CDK13: variants seen among roughly 807,000 people sequenced by gnomAD.
The protein encoded by CDK13 is cyclin-dependent kinase 13.
Under a neutral mutation model 137.6 loss-of-function variants are expected in CDK13, and 40 were observed. The ratio of observed to expected loss-of-function variants is 0.29; its 90% CI spans 0.23 to 0.38. The LOEUF (loss-of-function observed/expected upper bound fraction) is 0.38, where lower values mean the gene tolerates loss of function less well. Among genes scored for constraint, CDK13 ranks in the 10% least tolerant of loss-of-function variants. The pLI is 1.00. For missense variants in CDK13, 1,704 were observed against 1,951.8 expected (o/e 0.87, Z 2.39); for synonymous variants, 869 against 760.1 (o/e 1.14, Z -2.36).
chr7:39,984,500 A>G (rs1201653493), intron 1 of CDK13: 1 of 151,998 alleles, frequency 6.6e-6, no homozygotes, highest in Non-Finnish European at 1.5e-5. Context: ...TTGTGGGTGC[A>G]TAGTAGATGT....
intron 5 of CDK13, among the ~76,000 whole-genome samples, chr7:40,012,785 G>A (rs1379611430): frequency 6.6e-6 from 1 of 151,862 alleles, no homozygotes; most frequent in African/African-American, 2.4e-5. Context: ...AGTGGTGGGC[G>A]CCTGTAATCC....
At chr7:40,080,702 C>T (rs889212913) in intron 11 of CDK13, among the ~76,000 whole-genome samples, 7 of 152,132 alleles carry the variant, frequency 4.6e-5, no homozygotes, top group Non-Finnish European at 1.0e-4. Context: ...GGAAAAATTT[C>T]AACTCTATAG....
intron 1 of CDK13, among the ~76,000 whole-genome samples, chr7:39,955,854 G>C (rs900446177): frequency 6.6e-6 from 1 of 151,884 alleles, no homozygotes; most frequent in Non-Finnish European, 1.5e-5. Context: ...ATTAAAATCC[G>C]TGCAAGAAAT....
chr7:39,986,669 CTCAT>C (rs1184303388), intron 1 of CDK13: 1 of 152,066 alleles, frequency 6.6e-6, no homozygotes, highest in Non-Finnish European at 1.5e-5. Context: ...CTTTTTTACT[CTCAT>C]TCATTTTGAA....
chr7:40,056,330 T>G (rs1015639447), intron 7 of CDK13, among the ~76,000 whole-genome samples: 4 of 152,208 alleles, frequency 2.6e-5, no homozygotes, highest in Admixed American at 6.5e-5. Context: ...TTTTAAAAGC[T>G]TTTTAAAAAA....
intron 2 of CDK13, among the ~76,000 whole-genome samples, chr7:39,988,462 A>C (rs1784388487): frequency 6.6e-6 from 1 of 152,114 alleles, no homozygotes; most frequent in African/African-American, 2.4e-5. Context: ...TAAGACATTC[A>C]GGGAAAAATT....
chr7:40,012,219 A>G (rs1022695541), intron 5 of CDK13, among the ~76,000 whole-genome samples: 2 of 152,178 alleles, frequency 1.3e-5, no homozygotes, highest in African/African-American at 4.8e-5. Flanking sequence ...AGAGAGTACA[A>G]TGGTGCAGTT....
intron 11 of CDK13, among the ~76,000 whole-genome samples, chr7:40,086,214 G>A (rs949001723): frequency 6.6e-6 from 1 of 152,188 alleles, no homozygotes; most frequent in African/African-American, 2.4e-5. Flanking sequence ...AAGAGGAGAT[G>A]TAAAAGAACT....
rs546472119 is a variant in CDK13 at position 39,952,024 on chromosome 7, T to C, written c.1211+172T>C. The stretch of plus-strand genomic sequence containing the variant: ...GCGTTTTCGCGCGCGTGACACTTTT[T>C]TAGGGGGTCGAAGGGACAAAGCAAC... On this transcript the variant is annotated intron_variant, in intron 1 of 13. Transcript: ENST00000181839. 5.9e-5 allele frequency: 33 copies of C among 561,414 alleles called. No individual in the cohort carries two copies. The Admixed American group carries it at 1.0e-3, about 17-fold the overall frequency. 34.8% of individuals were successfully genotyped at this position (561,414 alleles called of 1,614,324 possible). A position where few individuals can be genotyped will look rare whatever the true frequency, so the allele number is the denominator to read the frequency against.
intron 2 of CDK13, among the ~76,000 whole-genome samples, chr7:39,989,077 G>A (rs577294871): frequency 1.1e-5 from 1 of 91,892 alleles, no homozygotes; most frequent in African/African-American, 4.5e-5. Flanking sequence ...CAGTAAGACC[G>A]TGTCTCACCA....
chr7:39,975,151 C>T (rs914989994), intron 1 of CDK13, among the ~76,000 whole-genome samples: 3 of 152,078 alleles, frequency 2.0e-5, no homozygotes, highest in African/African-American at 7.2e-5. Flanking sequence ...TGGTGGCTCA[C>T]ACCTGTTATC....
At chr7:40,058,867 C>A (rs1435582608) in intron 7 of CDK13, among the ~76,000 whole-genome samples, 4 of 152,030 alleles carry the variant, frequency 2.6e-5, no homozygotes, top group African/African-American at 9.7e-5. Context: ...GATGACATGG[C>A]ATTTTGTGTA....
At chr7:40,037,311 A>G (rs1785505766) in intron 5 of CDK13, among the ~76,000 whole-genome samples, 1 of 152,096 alleles carries the variant, frequency 6.6e-6, no homozygotes. Flanking sequence ...GATGTTAGCT[A>G]GGGTTGTCGT....
At chr7:40,061,975 A>G (rs1786158201) in intron 7 of CDK13, 1 of 152,200 alleles carries the variant, frequency 6.6e-6, no homozygotes, top group African/African-American at 2.4e-5. Context: ...TACTTTGCAG[A>G]GTAGACCTCA....
chr7:40,061,029 C>CT (rs1220112969), intron 7 of CDK13: 1 of 150,696 alleles, frequency 6.6e-6, no homozygotes, highest in Non-Finnish European at 1.5e-5. Flanking sequence ...GATTGCGCCA[C>CT]TGTACTCCAG....
In CDK13 at chr7:40,084,115, C is replaced by T. The variant is rs545389839; in HGVS notation, c.3030-4011C>T. Reference sequence around the variant, plus strand: ...ATTCCAGCACTTTGGGAGGCCGAGGCGGACCTATCACTTGAGGCCGGGAGT... The same window carrying T: ...ATTCCAGCACTTTGGGAGGCCGAGGTGGACCTATCACTTGAGGCCGGGAGT... On this transcript the variant is annotated intron_variant, in intron 11 of 13. Transcript: ENST00000181839. 5.3e-5 allele frequency among the ~76,000 whole-genome samples: 8 copies of T among 152,104 alleles called. No individual in the cohort carries two copies. The East Asian group carries it at 5.8e-4, about 11-fold the overall frequency.
At chr7:39,965,757 GGTT>G (rs2116159306) in intron 1 of CDK13, among the ~76,000 whole-genome samples, 1 of 152,198 alleles carries the variant, frequency 6.6e-6, no homozygotes, top group Admixed American at 6.5e-5. Flanking sequence ...GGCTCTTACC[GGTT>G]GTTCCTTTCC....
chr7:39,963,979 C>T (rs1161555223), intron 1 of CDK13, among the ~76,000 whole-genome samples: 1 of 152,166 alleles, frequency 6.6e-6, no homozygotes, highest in Non-Finnish European at 1.5e-5. Flanking sequence ...CCCACTTGAT[C>T]ATGGTGGATA....
rs143848438 is a variant in CDK13, at chr7:40,047,283, T to C, written c.2544-538T>C. The stretch of plus-strand genomic sequence containing the variant: ...ATAAGCTTAGATTTGTAACATCTTA[T>C]ATTTGAACCCTGATAATTCTCTTGT... On this transcript the variant is annotated intron_variant, in intron 6 of 13. Transcript: ENST00000181839. Among the ~76,000 whole-genome samples the C allele has an allele frequency of 4.6e-3, 703 of 152,300 alleles. 5 individuals carry two copies. Among genetic ancestry groups the C allele is most frequent in the African/African-American group, 0.015 (633 of 41,586 alleles).
Sources: gnomAD v4.1 joint callset for allele counts (sites outside exome capture counted in the v4.1 genomes callset) on GRCh38, gnomAD v4.1.1 for gene constraint, MANE v1.5 for transcripts, NCBI Gene and HGNC (gene_info 2026-07-23, HGNC 2026-07-21) for gene names.